The following CAMSAP2 variants were observed in gnomAD, a reference collection of about 807,000 sequenced individuals.
CAMSAP2 encodes calmodulin-regulated spectrin-associated protein 2.
A neutral mutation model predicts 146.1 loss-of-function variants in CAMSAP2; 26 were observed. That is an observed-to-expected ratio of 0.18 (90% CI 0.13 to 0.25). The LOEUF (loss-of-function observed/expected upper bound fraction) is 0.25. Ranked by LOEUF, CAMSAP2 falls within the 10% of genes least tolerant of loss-of-function variation. The pLI is 1.00. For synonymous variants in CAMSAP2, 499 were observed against 596.6 expected (o/e 0.84, Z 2.38); for missense variants, 1,381 against 1,759.3 (o/e 0.78, Z 3.85).
At position 200,832,005 on chromosome 1, in the gene CAMSAP2, A is replaced by G. The variant is rs1667055259; in HGVS notation, c.646-195A>G. ...TATGTTATATTAAGTATTGAGCTTC[A>G]AAACTATAGCTATTGTTGCCGTGTA... On this transcript the variant is annotated intron_variant, in intron 4 of 16. Coordinates refer to ENST00000358823, the MANE Select transcript of CAMSAP2 (RefSeq NM_203459.4). This position sits in a 1 kb window ranked among gnomAD's most constrained non-coding sequence, Gnocchi z 4.2. 1.9e-6 allele frequency: 1 copy of G among 523,262 alleles called. No individual in the cohort carries two copies. Among genetic ancestry groups the G allele is most frequent in the Non-Finnish European group, 3.4e-6 (1 of 297,648 alleles). 32.4% of individuals were successfully genotyped at this position (523,262 alleles called of 1,614,324 possible).
intron 1 of CAMSAP2, among the ~76,000 whole-genome samples, chr1:200,750,627 CTTT>C (rs11342306): frequency 1.4e-5 from 2 of 143,004 alleles, no homozygotes; most frequent in Non-Finnish European, 1.5e-5. Flanking sequence ...ATAGATACAT[CTTT>C]TTTTTTTTTT....
Position 200,849,245 on chromosome 1 carries a change from A to G in CAMSAP2, c.2476A>G (p.Thr826Ala), listed in dbSNP as rs1667549420. Residue 826 changes from threonine (T) to alanine (A), a missense_variant, in exon 11 of 17, where the codon ACT becomes GCT. By Grantham distance (58) the Thr-to-Ala change is moderately conservative. This residue lies in a region of CAMSAP2 where 560 missense variants were observed against 715.9 expected (regional missense o/e 0.78). Coordinates refer to ENST00000358823, the MANE Select transcript of CAMSAP2 (RefSeq NM_203459.4). The surrounding 1 kb of genome is among the most constrained non-coding windows in gnomAD (Gnocchi z 6.3). ...AGCAAAAGAAAAGGAATCACAAAAA[A>G]CTGATGGACAAAGGAGCAAGTCACT... ...DRAKEKESQK[T>A]DGQRSKSLAD... 6.2e-7 allele frequency: 1 copy of G among 1,613,900 alleles called. No individual in the cohort carries two copies. Among genetic ancestry groups the G allele is most frequent in the Non-Finnish European group, 8.5e-7 (1 of 1,180,000 alleles).
Position 200,853,264 on chromosome 1 carries a change from T to C in CAMSAP2, c.3603-11T>C. ...ATGCAGAATAAGAACTGTAACCATT[T>C]GATTTCTTAGGCGTAAAACTGAGGA... On this transcript the variant is annotated splice_polypyrimidine_tract_variant and intron_variant, in intron 12 of 16. Transcript: ENST00000358823. This position sits in a 1 kb window ranked among gnomAD's most constrained non-coding sequence, Gnocchi z 5.1. The C allele has an allele frequency of 6.2e-7, 1 of 1,610,616 alleles. No homozygotes were observed. The highest frequency in any genetic ancestry group is 8.5e-7 in the Non-Finnish European group (1 of 1,178,362).
chr1:200,757,761 C>T (rs1343184598), intron 1 of CAMSAP2, among the ~76,000 whole-genome samples: 2 of 152,134 alleles, frequency 1.3e-5, no homozygotes, highest in East Asian at 3.8e-4. Context: ...GTTTTACATT[C>T]TCTTGAGGGC....
At chr1:200,745,188 C>T (rs1664287208) in intron 1 of CAMSAP2, among the ~76,000 whole-genome samples, 1 of 152,088 alleles carries the variant, frequency 6.6e-6, no homozygotes. Flanking sequence ...CTGTCCTGTG[C>T]ATTCTAGGAT....
intron 2 of CAMSAP2, among the ~76,000 whole-genome samples, chr1:200,786,650 G>T (rs1665601881): frequency 6.6e-6 from 1 of 152,198 alleles, no homozygotes; most frequent in Admixed American, 6.5e-5. Context: ...TTAAAGTGCT[G>T]GGATTACAGG....
At position 200,752,150 on chromosome 1, in the gene CAMSAP2, GA is replaced by G. The variant is rs533418412; in HGVS notation, c.140-8682del. Among the ~76,000 whole-genome samples the G allele has an allele frequency of 2.4e-3, 360 of 152,000 alleles. 5 individuals carry two copies. The highest frequency in any genetic ancestry group is 7.4e-3 in the African/African-American group (306 of 41,462). The stretch of plus-strand genomic sequence containing the variant: ...AAACATTAATGCATGACCGTTGGGG[GA>G]AAAAAAGCATTAAAAATGACCATAG... On this transcript the variant is annotated intron_variant, in intron 1 of 16. Transcript: ENST00000358823.
At chr1:200,821,403 A>C (rs1666760517) in intron 4 of CAMSAP2, among the ~76,000 whole-genome samples, 1 of 152,110 alleles carries the variant, frequency 6.6e-6, no homozygotes, top group African/African-American at 2.4e-5. Context: ...GGCTGATCTC[A>C]AGCTCCTGAG....
At position 200,849,097 on chromosome 1, in the gene CAMSAP2, C is replaced by G. The variant is rs77774556; in HGVS notation, c.2328C>G (p.Thr776=). Residue 776 remains threonine, a synonymous_variant, in exon 11 of 17, where the codon ACC becomes ACG. Coordinates refer to ENST00000358823, the MANE Select transcript of CAMSAP2 (RefSeq NM_203459.4). The surrounding 1 kb of genome is among the most constrained non-coding windows in gnomAD (Gnocchi z 6.3). ...AAAAGAAAATGGAAGCTGCTTTTAC[C>G]AAACAGAGACAGAAAATGGGAAGGA... The part of the protein sequence containing the change: ...AQKKKMEAAF[T]KQRQKMGRTA... 5.2e-4 allele frequency: 843 copies of G among 1,613,998 alleles called. 2 individuals are homozygous for G. The African/African-American group carries it at 9.4e-3, about 18-fold the overall frequency.
At chr1:200,839,446 G>A (rs1003801781) in intron 6 of CAMSAP2, among the ~76,000 whole-genome samples, 1 of 152,176 alleles carries the variant, frequency 6.6e-6, no homozygotes, top group African/African-American at 2.4e-5. Flanking sequence ...TTGATGGGAG[G>A]GATTTGAGCA....
chr1:200,795,667 T>G (rs1171049050), intron 2 of CAMSAP2, among the ~76,000 whole-genome samples: 8 of 152,212 alleles, frequency 5.3e-5, no homozygotes, highest in Non-Finnish European at 2.9e-5. Context: ...TATATTAAGT[T>G]TGCAATAAAG....
At chr1:200,843,566 A>G (rs1667381652) in intron 7 of CAMSAP2, among the ~76,000 whole-genome samples, 1 of 152,226 alleles carries the variant, frequency 6.6e-6, no homozygotes, top group East Asian at 1.9e-4. Flanking sequence ...GGTTTTCACT[A>G]CATTGCTTTC....
In CAMSAP2 at chr1:200,850,145, G is replaced by C; in HGVS notation, c.3376G>C (p.Ala1126Pro). Residue 1126 changes from alanine to proline, a missense_variant, in exon 11 of 17, where the codon GCT becomes CCT. Physicochemically the swap from Ala to Pro is conservative, Grantham distance 27. Transcript: ENST00000358823. ...CTCAGATTTGAAACCCCCTGAAAAGGCTGATGTACCTGTTGAAAAATATGA... is the reference window on the plus strand; with the variant it reads ...CTCAGATTTGAAACCCCCTGAAAAGCCTGATGTACCTGTTGAAAAATATGA... Reference protein sequence around the residue: ...SLSDLKPPEKADVPVEKYDGE... With the variant: ...SLSDLKPPEKPDVPVEKYDGE... The C allele has an allele frequency of 6.2e-7, 1 of 1,612,502 alleles. No homozygotes were observed. The highest frequency in any genetic ancestry group is 8.5e-7 in the Non-Finnish European group (1 of 1,179,660).
intron 10 of CAMSAP2, 146 bp from the exon 11 acceptor site, chr1:200,847,886 A>G: frequency 1.3e-6 from 1 of 774,536 alleles, no homozygotes; most frequent in Non-Finnish European, 2.0e-6. Flanking sequence ...AAAAGTAGCT[A>G]GATAGCCCTC....
rs563303954 is a variant in CAMSAP2, at chr1:200,855,623, G to T, written c.3897-387G>T. ...ATTAATTTTTTTTTTTTGAGACGGA[G>T]TCTTTCTCCATTGCCCAGGCTAGAG... On this transcript the variant is annotated intron_variant, in intron 14 of 16. Coordinates refer to ENST00000358823, the MANE Select transcript of CAMSAP2 (RefSeq NM_203459.4). 1.1e-3 allele frequency among the ~76,000 whole-genome samples: 165 copies of T among 151,580 alleles called. 1 individual carries two copies. The highest frequency in any genetic ancestry group is 3.9e-3 in the African/African-American group (160 of 41,380).
chr1:200,843,975 C>G (rs1372107917), intron 7 of CAMSAP2, among the ~76,000 whole-genome samples: 1 of 151,954 alleles, frequency 6.6e-6, no homozygotes, highest in East Asian at 1.9e-4. Flanking sequence ...AGGTTCACGC[C>G]ATTCTCCTGC....
chr1:200,857,241 T>A lies in CAMSAP2; in HGVS notation c.4013-65T>A. On this transcript the variant is annotated intron_variant, in intron 15 of 16. Coordinates refer to ENST00000358823, the MANE Select transcript of CAMSAP2 (RefSeq NM_203459.4). This position sits in a 1 kb window ranked among gnomAD's most constrained non-coding sequence, Gnocchi z 4.7. ...CAGTGTAGGAACAATTACATCATTTTAAAATAGTAGTATTTCTGACTTAGG... is the reference window on the plus strand; with the variant it reads ...CAGTGTAGGAACAATTACATCATTTAAAAATAGTAGTATTTCTGACTTAGG... 9.1e-7 allele frequency: 1 copy of A among 1,103,944 alleles called. No individual in the cohort carries two copies. The highest frequency in any genetic ancestry group is 1.3e-5 in the South Asian group (1 of 76,050). The allele number at this position is 1,103,944 out of a possible 1,614,324, so 68.4% of individuals were successfully genotyped here.
chr1:200,784,671 A>C (rs1665535811), intron 2 of CAMSAP2, among the ~76,000 whole-genome samples: 1 of 152,230 alleles, frequency 6.6e-6, no homozygotes, highest in Non-Finnish European at 1.5e-5. Context: ...CTTTCAACGT[A>C]AACAATCATG....
intron 3 of CAMSAP2, among the ~76,000 whole-genome samples, chr1:200,814,738 T>C (rs1666436328): frequency 6.6e-6 from 1 of 151,982 alleles, no homozygotes; most frequent in Admixed American, 6.6e-5. Context: ...TAGAAAAGTT[T>C]ATACTGCAGA....
Sources: allele counts gnomAD v4.1 joint callset (sites outside exome capture counted in the v4.1 genomes callset), GRCh38; gene constraint gnomAD v4.1.1; regional missense constraint gnomAD v4.1.1; non-coding constraint Gnocchi (gnomAD v3.1); transcripts MANE v1.5; gene names NCBI Gene and HGNC (gene_info 2026-07-23, HGNC 2026-07-21).